Variants in FHIT observed in about 807,000 individuals in gnomAD.
FHIT encodes fragile histidine triad diadenosine triphosphatase.
FHIT carries 19 observed loss-of-function variants against 17.9 expected under a neutral mutation model. The ratio of observed to expected loss-of-function variants is 1.06; its 90% CI spans 0.74 to 1.56. The LOEUF is 1.56. Ranked by LOEUF, FHIT falls within the 40% of genes most tolerant of loss-of-function variation. FHIT has a pLI of 0.00. For missense variants in FHIT, 248 were observed against 189.2 expected, an observed-to-expected ratio of 1.31 and a Z score of -1.82; for synonymous variants, 81 against 69.7, an observed-to-expected ratio of 1.16 and a Z score of -0.81.
chr3:60,824,020 G>C (rs568299580), intron 3 of FHIT, among the ~76,000 whole-genome samples: 6 of 152,294 alleles, frequency 3.9e-5, no homozygotes, highest in Admixed American at 3.9e-4. Flanking sequence ...CAAGGAGCTG[G>C]AGGGTGCTAG....
At chr3:61,226,565 C>T (rs564767590) in intron 1 of FHIT, among the ~76,000 whole-genome samples, 3 of 152,132 alleles carry the variant, frequency 2.0e-5, no homozygotes, top group African/African-American at 4.8e-5. Flanking sequence ...GAGATACAAT[C>T]GTGATGACAT....
intron 5 of FHIT, among the ~76,000 whole-genome samples, chr3:60,095,977 G>T (rs917496683): frequency 2.2e-4 from 34 of 152,024 alleles, no homozygotes; most frequent in African/African-American, 8.2e-4. Context: ...GAGAAGAAGG[G>T]AATCATAAAA....
At chr3:60,470,936 T>C (rs1355859821) in intron 5 of FHIT, among the ~76,000 whole-genome samples, 1 of 152,178 alleles carries the variant, frequency 6.6e-6, no homozygotes, top group Non-Finnish European at 1.5e-5. Flanking sequence ...TGATGCACTC[T>C]GCAAGAACTG....
intron 4 of FHIT, chr3:60,553,373 A>G (rs1443282719): frequency 2.0e-6 from 2 of 981,184 alleles, no homozygotes; most frequent in Admixed American, 6.3e-5. Flanking sequence ...AATGTGAATC[A>G]GCAACCCCCT....
intron 5 of FHIT, among the ~76,000 whole-genome samples, chr3:60,110,157 G>A (rs1459920146): frequency 6.6e-6 from 1 of 152,142 alleles, no homozygotes; most frequent in African/African-American, 2.4e-5. Flanking sequence ...GACACGGGGG[G>A]TTGGGCTACC....
At chr3:60,461,447 A>AAAATATGT (rs1553778141) in intron 5 of FHIT, among the ~76,000 whole-genome samples, 1 of 93,468 alleles carries the variant, frequency 1.1e-5, no homozygotes, top group Non-Finnish European at 1.9e-5. Context: ...AACTAATAAA[A>AAAATATGT]CAATATGTCA....
At chr3:60,254,542 A>T (rs1705887239) in intron 5 of FHIT, among the ~76,000 whole-genome samples, 1 of 152,220 alleles carries the variant, frequency 6.6e-6, no homozygotes, top group Admixed American at 6.5e-5. Flanking sequence ...TATTCCTCTA[A>T]CAAAATATAA....
intron 3 of FHIT, among the ~76,000 whole-genome samples, chr3:60,956,370 G>A (rs548446135): frequency 6.6e-6 from 1 of 152,288 alleles, no homozygotes; most frequent in African/African-American, 2.4e-5. Context: ...GGTGTAGGCA[G>A]CCTTTCAGAT....
intron 5 of FHIT, among the ~76,000 whole-genome samples, chr3:60,259,080 T>C (rs1044754788): frequency 1.3e-5 from 2 of 150,450 alleles, no homozygotes; most frequent in South Asian, 2.1e-4. Flanking sequence ...CCTACCTTGA[T>C]GTGGTTCCGA....
chr3:60,965,831 A>T (rs1281977044), intron 3 of FHIT, among the ~76,000 whole-genome samples: 1 of 152,102 alleles, frequency 6.6e-6, no homozygotes, highest in Non-Finnish European at 1.5e-5. Flanking sequence ...TGGCTGTGTG[A>T]GGTGTCAGTC....
intron 2 of FHIT, among the ~76,000 whole-genome samples, chr3:61,136,645 C>G (rs9830950): frequency 1.3e-5 from 2 of 151,974 alleles, no homozygotes; most frequent in Non-Finnish European, 1.5e-5. Flanking sequence ...AAAATACGTA[C>G]GGCTAAGTGC....
At chr3:60,023,878 A>C (rs925414604) in intron 5 of FHIT, among the ~76,000 whole-genome samples, 3 of 152,190 alleles carry the variant, frequency 2.0e-5, no homozygotes, top group African/African-American at 7.2e-5. Flanking sequence ...AATTCTTTCT[A>C]ATGAATAATT....
At chr3:59,864,587 G>A (rs376746172) in intron 8 of FHIT, among the ~76,000 whole-genome samples, 195 of 151,560 alleles carry the variant, frequency 1.3e-3, no homozygotes, top group African/African-American at 4.4e-3. Context: ...GCCCACTCTG[G>A]CTGATCTAGT....
intron 8 of FHIT, among the ~76,000 whole-genome samples, chr3:59,901,219 TGA>T (rs1704315024): frequency 6.6e-6 from 1 of 152,218 alleles, no homozygotes; most frequent in Admixed American, 6.5e-5. Context: ...GTGAAGAATA[TGA>T]GAGTGGAAAA....
chr3:60,224,129 C>T (rs185705637), intron 5 of FHIT, among the ~76,000 whole-genome samples: 26 of 152,164 alleles, frequency 1.7e-4, no homozygotes, highest in Admixed American at 2.0e-4. Context: ...AAATTTATTT[C>T]GTAAAAAACA....
At chr3:60,873,125 G>A (rs1553755432) in intron 3 of FHIT, among the ~76,000 whole-genome samples, 1 of 145,296 alleles carries the variant, frequency 6.9e-6, no homozygotes, top group Non-Finnish European at 1.5e-5. Flanking sequence ...ACAAGGCAGG[G>A]AGAGAGGGAG....
intron 5 of FHIT, among the ~76,000 whole-genome samples, chr3:60,492,475 T>G (rs1051778985): frequency 1.3e-5 from 2 of 151,930 alleles, no homozygotes; most frequent in African/African-American, 4.8e-5. Context: ...CTAGTAAATG[T>G]GCAATAATCA....
At chr3:60,782,539 A>G (rs1700429331) in intron 4 of FHIT, among the ~76,000 whole-genome samples, 1 of 152,170 alleles carries the variant, frequency 6.6e-6, no homozygotes, top group African/African-American at 2.4e-5. Flanking sequence ...CACTCTCTCT[A>G]GCAACAAGTT....
intron 3 of FHIT, among the ~76,000 whole-genome samples, chr3:60,828,150 G>C (rs950372369): frequency 6.6e-6 from 1 of 152,092 alleles, no homozygotes; most frequent in Non-Finnish European, 1.5e-5. Flanking sequence ...TAAGTTATTA[G>C]GGGGATTCAG....
Sources: allele counts gnomAD v4.1 joint callset (sites outside exome capture counted in the v4.1 genomes callset), GRCh38; gene constraint gnomAD v4.1.1; transcripts MANE v1.5; gene names NCBI Gene and HGNC (gene_info 2026-07-23, HGNC 2026-07-21).